Variants in NT5DC1 observed in about 807,000 individuals in gnomAD.
NT5DC1 encodes 5'-nucleotidase domain containing 1, also known as 5'-nucleotidase domain-containing protein 1.
A neutral mutation model predicts 59.4 loss-of-function variants in NT5DC1; 42 were observed. That is an observed-to-expected ratio of 0.71 (90% confidence interval 0.55 to 0.92). NT5DC1 has a LOEUF of 0.92. NT5DC1 is among the 40% of genes least tolerant of loss of function. NT5DC1 has a pLI of 0.00. For synonymous variants in NT5DC1, 172 were observed against 188.1 expected (o/e 0.91, Z 0.70); for missense variants, 501 against 537.1 (o/e 0.93, Z 0.66).
intron 6 of NT5DC1, among the ~76,000 whole-genome samples, chr6:116,213,290 T>G (rs1781618753): frequency 6.6e-6 from 1 of 152,062 alleles, no homozygotes; most frequent in Non-Finnish European, 1.5e-5. Flanking sequence ...CAGTTGAAGC[T>G]TTTAGCTCAA....
At chr6:116,242,880 G>T (rs376303242) in intron 11 of NT5DC1, among the ~76,000 whole-genome samples, 1 of 152,110 alleles carries the variant, frequency 6.6e-6, no homozygotes, top group African/African-American at 2.4e-5. Flanking sequence ...AGCCCTGCAA[G>T]ACTGTCAAAA....
At chr6:116,120,946 G>C (rs1779100675) in intron 6 of NT5DC1, 2 of 1,613,630 alleles carry the variant, frequency 1.2e-6, no homozygotes, top group Non-Finnish European at 1.7e-6. Flanking sequence ...GTTTTCCTGG[G>C]TACCCTGGTT....
chr6:116,185,032 C>G (rs928793633), intron 6 of NT5DC1, among the ~76,000 whole-genome samples: 27 of 151,964 alleles, frequency 1.8e-4, no homozygotes, highest in African/African-American at 6.5e-4. Flanking sequence ...ACTGCCTTTG[C>G]TGTATTCTGG....
chr6:116,156,767 C>T (rs1780205056), intron 6 of NT5DC1, among the ~76,000 whole-genome samples: 1 of 152,066 alleles, frequency 6.6e-6, no homozygotes, highest in Non-Finnish European at 1.5e-5. Flanking sequence ...AGAGTAATAT[C>T]CAAGATATCT....
In NT5DC1 at chr6:116,163,729, C is replaced by A. The variant is rs548401436; in HGVS notation, c.529+45784C>A. On this transcript the variant is annotated intron_variant, in intron 6 of 11. Transcript: ENST00000319550. Reference sequence around the variant, plus strand: ...ATTTGGTTGCGAATTTGAGATCTATCTTTTTGATTTATGAATTTAGTACTA... The same window carrying A: ...ATTTGGTTGCGAATTTGAGATCTATATTTTTGATTTATGAATTTAGTACTA... Among the ~76,000 whole-genome samples the A allele has an allele frequency of 3.3e-5, 5 of 152,074 alleles. No individual in the cohort carries two copies. The South Asian group carries it at 1.0e-3, about 31-fold the overall frequency.
chr6:116,111,644 T>G (rs1778877859), intron 4 of NT5DC1, among the ~76,000 whole-genome samples: 1 of 152,240 alleles, frequency 6.6e-6, no homozygotes, highest in Non-Finnish European at 1.5e-5. Context: ...GCACCTTTTC[T>G]CCTTCAGAGA....
rs9400891 is a variant in NT5DC1 at position 116,163,697 on chromosome 6, G to A, written c.529+45752G>A. ...CGTTCTTGTTTTTCTAGTTTGTTAG[G>A]TACATCATTTGGTTGCGAATTTGAG... On this transcript the variant is annotated intron_variant, in intron 6 of 11. Coordinates refer to ENST00000319550, the MANE Select transcript of NT5DC1 (RefSeq NM_152729.3). Among the ~76,000 whole-genome samples, 8 of 152,004 alleles carry A rather than the reference G, an allele frequency of 5.3e-5. No homozygotes were observed. In the East Asian group the frequency reaches 1.5e-3, roughly 29 times the overall value.
chr6:116,165,375 A>T (rs1038059688), intron 6 of NT5DC1, among the ~76,000 whole-genome samples: 2 of 152,172 alleles, frequency 1.3e-5, no homozygotes, highest in African/African-American at 4.8e-5. Context: ...ATGGATTTCT[A>T]TATCTCTAAC....
intron 6 of NT5DC1, among the ~76,000 whole-genome samples, chr6:116,166,399 CAT>C (rs1780467619): frequency 6.6e-6 from 1 of 152,164 alleles, no homozygotes; most frequent in Non-Finnish European, 1.5e-5. Context: ...TAATTAAAAA[CAT>C]AAAGGAATGG....
chr6:116,189,682 TA>T (rs1409235977), intron 6 of NT5DC1, among the ~76,000 whole-genome samples: 4 of 151,674 alleles, frequency 2.6e-5, no homozygotes, highest in Non-Finnish European at 4.4e-5. Context: ...CAAATGAGAG[TA>T]AATATTTATA....
intron 6 of NT5DC1, among the ~76,000 whole-genome samples, chr6:116,136,752 A>ATGTT (rs769744405): frequency 6.6e-6 from 1 of 152,246 alleles, no homozygotes; most frequent in Non-Finnish European, 1.5e-5. Context: ...CACAGATAAC[A>ATGTT]ATAAGCTATT....
chr6:116,204,544 T>G (rs1781409922), intron 6 of NT5DC1, among the ~76,000 whole-genome samples: 1 of 151,930 alleles, frequency 6.6e-6, no homozygotes, highest in Admixed American at 6.6e-5. Flanking sequence ...CCCCAACAAT[T>G]CTGAAAGCAA....
chr6:116,140,652 C>T (rs961593547), intron 6 of NT5DC1, among the ~76,000 whole-genome samples: 4 of 152,086 alleles, frequency 2.6e-5, no homozygotes, highest in Admixed American at 6.6e-5. Flanking sequence ...CTCTGTCCTT[C>T]TAGAAAGTAT....
chr6:116,140,168 G>T (rs755299152), intron 6 of NT5DC1, among the ~76,000 whole-genome samples: 31 of 152,118 alleles, frequency 2.0e-4, no homozygotes, highest in Non-Finnish European at 4.3e-4. Flanking sequence ...TTTTCCACCA[G>T]TGCATGCTCT....
intron 6 of NT5DC1, among the ~76,000 whole-genome samples, chr6:116,161,195 G>C (rs1363697331): frequency 1.7e-5 from 2 of 115,560 alleles, no homozygotes; most frequent in African/African-American, 6.6e-5. Flanking sequence ...CTGTTGTGGG[G>C]TGGGGGGAGG....
rs1779005055 is a variant in NT5DC1 at position 116,118,141 on chromosome 6, C to T, written c.529+196C>T. The T allele has an allele frequency of 8.3e-6, 5 of 605,114 alleles. No individual in the cohort carries two copies. In the East Asian group the frequency reaches 1.6e-4, roughly 19 times the overall value. 37.5% of individuals were successfully genotyped at this position (605,114 alleles called of 1,614,324 possible). On this transcript the variant is annotated intron_variant, in intron 6 of 11. Transcript: ENST00000319550. ...TGCTTCTTTCATGGCTATAATTGCC[C>T]ATATTCCAAGCTGTGCTGTTACACT...
chr6:116,133,673 A>G (rs1779521590), intron 6 of NT5DC1, among the ~76,000 whole-genome samples: 1 of 152,084 alleles, frequency 6.6e-6, no homozygotes, highest in Non-Finnish European at 1.5e-5. Flanking sequence ...GCCATTGATC[A>G]AATAATTGTG....
chr6:116,119,757 A>ATT (rs530914126), intron 6 of NT5DC1: 23 of 219,790 alleles, frequency 1.0e-4, no homozygotes, highest in East Asian at 1.9e-4. Context: ...TTTTTTTTTA[A>ATT]TTTTTTTTTT....
intron 6 of NT5DC1, among the ~76,000 whole-genome samples, chr6:116,135,660 AT>A (rs559180467): frequency 6.7e-6 from 1 of 149,624 alleles, no homozygotes. Flanking sequence ...ACTAACAAAC[AT>A]TTTTTTTTCC....
Sources: allele counts gnomAD v4.1 joint callset (sites outside exome capture counted in the v4.1 genomes callset), GRCh38; gene constraint gnomAD v4.1.1; transcripts MANE v1.5; gene names NCBI Gene and HGNC (gene_info 2026-07-23, HGNC 2026-07-21).